The following OSBPL2 variants were observed in gnomAD, a reference collection of about 807,000 sequenced individuals.
The protein encoded by OSBPL2 is oxysterol binding protein like 2.
OSBPL2 carries 18 observed loss-of-function variants against 58.4 expected under a neutral mutation model. The ratio of observed to expected loss-of-function variants is 0.31; its 90% CI spans 0.21 to 0.46. OSBPL2 has a LOEUF of 0.46. Ranked by LOEUF, OSBPL2 falls within the 20% of genes least tolerant of loss-of-function variation. OSBPL2 has a pLI of 1.00. For synonymous variants in OSBPL2, 221 were observed against 234.1 expected (o/e 0.94, Z 0.51); for missense variants, 461 against 616.5 (o/e 0.75, Z 2.67).
chr20:62,258,768 C>G (rs1175838438), intron 2 of OSBPL2, among the ~76,000 whole-genome samples: 1 of 152,178 alleles, frequency 6.6e-6, no homozygotes, highest in Non-Finnish European at 1.5e-5. Flanking sequence ...GGGGGCAGGT[C>G]CTGCCCCACG....
intron 1 of OSBPL2, among the ~76,000 whole-genome samples, chr20:62,251,700 G>A (rs1009611230): frequency 2.0e-5 from 3 of 151,050 alleles, no homozygotes; most frequent in Non-Finnish European, 4.4e-5. Context: ...GAGCCACTGC[G>A]CCTGGCCTGT....
Position 62,243,804 on chromosome 20 carries a change from GA to G in OSBPL2, c.-129+5214del, listed in dbSNP as rs11475091. Among the ~76,000 whole-genome samples, 1,021 of 151,402 alleles carry G rather than the reference GA, an allele frequency of 6.7e-3. 16 individuals are homozygous for G. The highest frequency in any genetic ancestry group is 0.023 in the African/African-American group (931 of 41,228). On this transcript the variant is annotated intron_variant, in intron 1 of 13. Coordinates refer to ENST00000313733, the MANE Select transcript of OSBPL2 (RefSeq NM_144498.4). The stretch of plus-strand genomic sequence containing the variant: ...GAATAATGTGGGTCATTATTCTGGG[GA>G]AAAAAATGAACGAAAAATTTTTTTT...
intron 5 of OSBPL2, 63 bp from the exon 6 acceptor site, chr20:62,273,245 GC>G (rs2145953343): frequency 7.6e-7 from 1 of 1,309,550 alleles, no homozygotes; most frequent in East Asian, 2.4e-5. Context: ...TCCACAAGAG[GC>G]CATCTTCTCC....
rs546710887 is a variant in OSBPL2 at position 62,255,847 on chromosome 20, A to G, written c.-128-210A>G. On this transcript the variant is annotated intron_variant, in intron 1 of 13. Transcript: ENST00000313733. The stretch of plus-strand genomic sequence containing the variant: ...ACAACTCTTGTTATAGGGCTGAATT[A>G]TTGGTCTGTTATTCATTGATTGATC... 2.6e-5 allele frequency among the ~76,000 whole-genome samples: 4 copies of G among 152,292 alleles called. 1 individual carries two copies. The highest frequency in any genetic ancestry group is 4.1e-4 in the South Asian group (2 of 4,826).
In OSBPL2 at chr20:62,281,896, T is replaced by C; in HGVS notation, c.872+17T>C. 1 of 1,548,386 alleles carries C rather than the reference T, an allele frequency of 6.5e-7. No individual in the cohort carries two copies. Among genetic ancestry groups the C allele is most frequent in the Non-Finnish European group, 8.9e-7 (1 of 1,120,530 alleles). On this transcript the variant is annotated intron_variant, in intron 9 of 13. Transcript: ENST00000313733. ...AGACAAAAAGTAGGTCCTTGCCAAG[T>C]GTTCATGGGGCACCACTACAGCCTG...
intron 2 of OSBPL2, among the ~76,000 whole-genome samples, chr20:62,256,565 C>G (rs2145927968): frequency 6.6e-6 from 1 of 152,298 alleles, no homozygotes; most frequent in Non-Finnish European, 1.5e-5. Context: ...CTTGATGCAT[C>G]CCATCAGACA....
Position 62,286,610 on chromosome 20 carries a change from G to A in OSBPL2, c.1024G>A (p.Asp342Asn), listed in dbSNP as rs775923107. Reference protein sequence around the residue: ...LDEDSGKADSDVADDVPVAQE... With the variant: ...LDEDSGKADSNVADDVPVAQE... ...TGAAGACTCCGGGAAGGCTGACAGC[G>A]ACGTGGCTGACGACGTGCCTGTGGC... Residue 342 changes from aspartate to asparagine, a missense_variant, in exon 11 of 14, where the codon GAC (aspartate) becomes AAC (asparagine). Physicochemically the swap from Asp to Asn is conservative, Grantham distance 23 (BLOSUM62 1). Coordinates refer to ENST00000313733, the MANE Select transcript of OSBPL2 (RefSeq NM_144498.4). 1.3e-5 allele frequency: 21 copies of A among 1,613,632 alleles called. No individual in the cohort carries two copies. The highest frequency in any genetic ancestry group is 8.9e-5 in the East Asian group (4 of 44,874).
At chr20:62,251,985 G>A (rs1980585332) in intron 1 of OSBPL2, among the ~76,000 whole-genome samples, 1 of 138,148 alleles carries the variant, frequency 7.2e-6, no homozygotes, top group South Asian at 2.5e-4. Context: ...AGGCTCGAGT[G>A]ATCCTTCCAC....
chr20:62,276,928 C>T (rs935554263), intron 6 of OSBPL2, among the ~76,000 whole-genome samples: 2 of 152,174 alleles, frequency 1.3e-5, no homozygotes, highest in African/African-American at 4.8e-5. Flanking sequence ...GGGATTGGCT[C>T]TTAAAAAATT....
At chr20:62,264,231 C>T (rs1052303698) in intron 4 of OSBPL2, among the ~76,000 whole-genome samples, 14 of 152,172 alleles carry the variant, frequency 9.2e-5, no homozygotes, top group African/African-American at 3.4e-4. Flanking sequence ...CTGTGGCCTG[C>T]GTGAGGTGGG....
intron 1 of OSBPL2, among the ~76,000 whole-genome samples, chr20:62,248,258 G>A (rs752987012): frequency 2.0e-5 from 3 of 147,608 alleles, no homozygotes; most frequent in Non-Finnish European, 4.4e-5. Flanking sequence ...AGGTTCAAGC[G>A]ATTCTCCCAC....
Position 62,284,395 on chromosome 20 carries a change from C to T in OSBPL2, c.996+226C>T. The stretch of plus-strand genomic sequence containing the variant: ...TTCCATTTTTTTTTTTTTTCCCCTC[C>T]AGGCAGGGTCTCCCTCTGTTGCCCA... On this transcript the variant is annotated intron_variant, in intron 10 of 13. Coordinates refer to ENST00000313733, the MANE Select transcript of OSBPL2 (RefSeq NM_144498.4). The T allele has an allele frequency of 7.9e-6, 4 of 504,740 alleles. No individual in the cohort carries two copies. The South Asian group carries it at 8.5e-5, about 11-fold the overall frequency. 31.3% of individuals were successfully genotyped at this position (504,740 alleles called of 1,614,324 possible). A position where few individuals can be genotyped will look rare whatever the true frequency, so the allele number is the denominator to read the frequency against.
chr20:62,247,310 C>T (rs927349976), intron 1 of OSBPL2, among the ~76,000 whole-genome samples: 4 of 152,168 alleles, frequency 2.6e-5, no homozygotes, highest in Non-Finnish European at 5.9e-5. Context: ...CCTCTGGGGT[C>T]GCTTGCTCTG....
At chr20:62,265,753 G>A (rs1383423057) in intron 4 of OSBPL2, among the ~76,000 whole-genome samples, 1 of 152,024 alleles carries the variant, frequency 6.6e-6, no homozygotes, top group Non-Finnish European at 1.5e-5. Flanking sequence ...GATAATTCAG[G>A]TCTTGACAAA....
chr20:62,283,154 C>G (rs950582181), intron 9 of OSBPL2, among the ~76,000 whole-genome samples: 9 of 152,060 alleles, frequency 5.9e-5, no homozygotes, highest in East Asian at 3.9e-4. Context: ...CAGAACCGGG[C>G]AGGGACCCCG....
intron 12 of OSBPL2, chr20:62,291,269 A>C: frequency 7.6e-6 from 2 of 264,892 alleles, no homozygotes; most frequent in South Asian, 3.7e-5. Context: ...CCTTCACAGA[A>C]GCCACATGGC....
At chr20:62,265,685 C>T (rs1981615331) in intron 4 of OSBPL2, among the ~76,000 whole-genome samples, 1 of 152,246 alleles carries the variant, frequency 6.6e-6, no homozygotes, top group East Asian at 1.9e-4. Flanking sequence ...TTAAAATAAA[C>T]CATTTGAGAT....
intron 2 of OSBPL2, among the ~76,000 whole-genome samples, chr20:62,256,452 G>A (rs1216643978): frequency 6.6e-6 from 1 of 152,138 alleles, no homozygotes; most frequent in East Asian, 1.9e-4. Flanking sequence ...TTCCTGGGGT[G>A]CGGATATTTT....
chr20:62,284,067 C>A lies in OSBPL2; in HGVS notation c.894C>A (p.Ile298=), dbSNP rs1403768153. ...QDKNKKKLFM[I]YGKWTECLWG... ...ACAGCAAAAAGAAGCTCTTTATGAT[C>A]TATGGCAAATGGACGGAATGTTTGT... Residue 298 remains isoleucine, a synonymous_variant, in exon 10 of 14, where the codon ATC becomes ATA. Coordinates refer to ENST00000313733, the MANE Select transcript of OSBPL2 (RefSeq NM_144498.4). 8.7e-6 allele frequency: 14 copies of A among 1,613,812 alleles called. No homozygotes were observed. The highest frequency in any genetic ancestry group is 1.7e-4 in the Middle Eastern group (1 of 6,058).
Sources: gnomAD v4.1 joint callset for allele counts (sites outside exome capture counted in the v4.1 genomes callset) on GRCh38, gnomAD v4.1.1 for gene constraint, MANE v1.5 for transcripts, NCBI Gene and HGNC (gene_info 2026-07-23, HGNC 2026-07-21) for gene names.